Variants in NT5DC1 observed in about 807,000 individuals in gnomAD.
NT5DC1 encodes 5'-nucleotidase domain containing 1.
A neutral mutation model predicts 59.4 loss-of-function variants in NT5DC1; 42 were observed. The ratio of observed to expected loss-of-function variants is 0.71; its 90% CI spans 0.55 to 0.92. NT5DC1 has a LOEUF of 0.92. Among genes scored for constraint, NT5DC1 ranks in the 40% least tolerant of loss-of-function variants. NT5DC1 has a pLI of 0.00. For missense variants in NT5DC1, 501 were observed against 537.1 expected (o/e 0.93, Z 0.66); for synonymous variants, 172 against 188.1 (o/e 0.91, Z 0.70).
At chr6:116,115,121 C>T (rs754561177) in intron 4 of NT5DC1, among the ~76,000 whole-genome samples, 25 of 152,178 alleles carry the variant, frequency 1.6e-4, no homozygotes, top group Non-Finnish European at 2.8e-4. Context: ...CTCTCTTCCA[C>T]GAAATCTTGG....
intron 6 of NT5DC1, among the ~76,000 whole-genome samples, chr6:116,163,135 A>ATATATATATATAT (rs1554197048): frequency 1.0e-5 from 1 of 98,546 alleles, no homozygotes; most frequent in Non-Finnish European, 2.0e-5. Context: ...TCAAAAAAAA[A>ATATATATATATAT]AAAAAAATAT....
intron 6 of NT5DC1, among the ~76,000 whole-genome samples, chr6:116,147,472 G>C (rs1779927099): frequency 6.6e-6 from 1 of 151,722 alleles, no homozygotes; most frequent in African/African-American, 2.4e-5. Context: ...AAAGATAAAT[G>C]ACAAACTGGG....
chr6:116,145,818 C>T (rs1231559474), intron 6 of NT5DC1, among the ~76,000 whole-genome samples: 3 of 152,034 alleles, frequency 2.0e-5, no homozygotes, highest in Non-Finnish European at 4.4e-5. Context: ...AGTAATATAG[C>T]TCAAAATTGT....
At chr6:116,123,502 G>A (rs1278139715) in intron 6 of NT5DC1, among the ~76,000 whole-genome samples, 1 of 152,218 alleles carries the variant, frequency 6.6e-6, no homozygotes, top group Non-Finnish European at 1.5e-5. Flanking sequence ...TCAGAATGTG[G>A]CACGTGCATC....
chr6:116,130,449 G>GT (rs34646840), intron 6 of NT5DC1, among the ~76,000 whole-genome samples: 27,352 of 151,814 alleles, frequency 0.18, 3,262 homozygotes, highest in Middle Eastern at 0.34. Flanking sequence ...GATCCCAGTA[G>GT]TTTTTTTTAT....
chr6:116,163,220 C>T (rs1309905063), intron 6 of NT5DC1, among the ~76,000 whole-genome samples: 1 of 146,728 alleles, frequency 6.8e-6, no homozygotes, highest in African/African-American at 2.5e-5. Flanking sequence ...GCTGTGAATT[C>T]CCCTGGTCCT....
At chr6:116,165,404 C>G (rs1780439738) in intron 6 of NT5DC1, among the ~76,000 whole-genome samples, 1 of 152,184 alleles carries the variant, frequency 6.6e-6, no homozygotes, top group Non-Finnish European at 1.5e-5. Context: ...GGAAATTTTC[C>G]TGAATTCTTT....
At chr6:116,204,224 AT>A (rs1277912773) in intron 6 of NT5DC1, among the ~76,000 whole-genome samples, 1 of 147,510 alleles carries the variant, frequency 6.8e-6, no homozygotes, top group Non-Finnish European at 1.5e-5. Flanking sequence ...TGTTTGTTGA[AT>A]TTTTATAATA....
chr6:116,180,041 C>T (rs993614185), intron 6 of NT5DC1, among the ~76,000 whole-genome samples: 6 of 151,886 alleles, frequency 4.0e-5, no homozygotes, highest in Non-Finnish European at 5.9e-5. Flanking sequence ...TGCAAAATAC[C>T]GTGGTGTTCT....
intron 6 of NT5DC1, among the ~76,000 whole-genome samples, chr6:116,213,904 C>T (rs142257750): frequency 1.8e-4 from 27 of 151,874 alleles, no homozygotes; most frequent in Middle Eastern, 6.8e-3. Flanking sequence ...TTTACCCACA[C>T]TACTTTTTTT....
At position 116,175,793 on chromosome 6, in the gene NT5DC1, C is replaced by T. The variant is rs573730565; in HGVS notation, c.530-45261C>T. Among the ~76,000 whole-genome samples, 2 of 152,234 alleles carry T rather than the reference C, an allele frequency of 1.3e-5. 1 individual carries two copies. The highest frequency in any genetic ancestry group is 4.2e-4 in the South Asian group (2 of 4,818). On this transcript the variant is annotated intron_variant, in intron 6 of 11. Coordinates refer to ENST00000319550, the MANE Select transcript of NT5DC1 (RefSeq NM_152729.3). ...AGTTTTAATTGATCTACTGAAATAT[C>T]CTATCTACCCATTAATGTTGTTTAT... is the stretch of plus-strand genomic sequence containing the variant.
Position 116,122,221 on chromosome 6 carries a change from T to C in NT5DC1, c.529+4276T>C, listed in dbSNP as rs191270960. Among the ~76,000 whole-genome samples the C allele has an allele frequency of 5.4e-3, 818 of 152,320 alleles. 6 individuals are homozygous for C. The highest frequency in any genetic ancestry group is 8.7e-3 in the Non-Finnish European group (590 of 68,022). On this transcript the variant is annotated intron_variant, in intron 6 of 11. Coordinates refer to ENST00000319550, the MANE Select transcript of NT5DC1 (RefSeq NM_152729.3). ...AGTGATTCATGAAAATGAGCTAGGA[T>C]TGAAGAATTCCTCTAGAATAAGTGC...
At chr6:116,103,843 G>A (rs916555096) in intron 1 of NT5DC1, among the ~76,000 whole-genome samples, 29 of 152,128 alleles carry the variant, frequency 1.9e-4, no homozygotes, top group African/African-American at 5.3e-4. Flanking sequence ...GTCAGTTAAC[G>A]TAGATGTGTG....
chr6:116,132,035 A>T (rs1429649328), intron 6 of NT5DC1, among the ~76,000 whole-genome samples: 3 of 152,142 alleles, frequency 2.0e-5, no homozygotes, highest in Non-Finnish European at 2.9e-5. Context: ...ATAGTATTCC[A>T]TGGGGTATAT....
chr6:116,218,859 A>G (rs1269288830), intron 6 of NT5DC1, among the ~76,000 whole-genome samples: 1 of 152,192 alleles, frequency 6.6e-6, no homozygotes, highest in East Asian at 1.9e-4. Context: ...CTGAATCATG[A>G]TGCTTTAAGT....
intron 6 of NT5DC1, among the ~76,000 whole-genome samples, chr6:116,211,937 G>A (rs559198487): frequency 4.6e-5 from 7 of 152,048 alleles, no homozygotes; most frequent in African/African-American, 1.7e-4. Flanking sequence ...AAGAGTATTG[G>A]GGTTTCATTC....
chr6:116,139,755 G>A (rs1779717279), intron 6 of NT5DC1, among the ~76,000 whole-genome samples: 1 of 152,066 alleles, frequency 6.6e-6, no homozygotes, highest in South Asian at 2.1e-4. Context: ...GAATTTGACA[G>A]TTTTTTGCTT....
chr6:116,163,141 A>AAAAAATATAT (rs761718922), intron 6 of NT5DC1, among the ~76,000 whole-genome samples: 22 of 88,392 alleles, frequency 2.5e-4, no homozygotes, highest in African/African-American at 8.1e-4. Context: ...AAAAAAAAAA[A>AAAAAATATAT]ATATATATAT....
At chr6:116,141,535 C>T (rs1779763670) in intron 6 of NT5DC1, among the ~76,000 whole-genome samples, 1 of 151,956 alleles carries the variant, frequency 6.6e-6, no homozygotes. Context: ...AAACGTGGCA[C>T]CCTTGTGAAT....
Sources: gnomAD v4.1 joint callset for allele counts (sites outside exome capture counted in the v4.1 genomes callset) on GRCh38, gnomAD v4.1.1 for gene constraint, MANE v1.5 for transcripts, NCBI Gene and HGNC (gene_info 2026-07-23, HGNC 2026-07-21) for gene names.